The following ADHFE1 variants were observed in gnomAD, a reference collection of about 807,000 sequenced individuals.
ADHFE1 encodes the protein hydroxyacid-oxoacid transhydrogenase, mitochondrial.
ADHFE1 carries 37 observed loss-of-function variants against 54.8 expected under a neutral mutation model. The observed-to-expected ratio is 0.68, with a 90% CI of 0.52 to 0.89. The LOEUF (loss-of-function observed/expected upper bound fraction) is 0.89, where lower values mean the gene tolerates loss of function less well. Ranked by LOEUF, ADHFE1 falls within the 40% of genes least tolerant of loss-of-function variation. The pLI is 0.00. For synonymous variants in ADHFE1, 203 were observed against 229.3 expected, an observed-to-expected ratio of 0.89 and a Z score of 1.04; for missense variants, 601 against 591.2, an observed-to-expected ratio of 1.02 and a Z score of -0.17.
At position 66,449,598 on chromosome 8, in the gene ADHFE1, T is replaced by C. The variant is rs895201999; in HGVS notation, c.734+628T>C. 1.3e-4 allele frequency among the ~76,000 whole-genome samples: 20 copies of C among 152,240 alleles called. 2 individuals carry two copies. Among genetic ancestry groups the C allele is most frequent in the Admixed American group, 1.2e-3 (19 of 15,292 alleles). On this transcript the variant is annotated intron_variant, in intron 8 of 13. Transcript: ENST00000396623. ...TGTATGTTCCCTCGGCTTCAGCTGC[T>C]TTGTGCCGATGGCCCCCTAATCAGT...
Position 66,468,305 on chromosome 8 carries a change from G to A in ADHFE1, c.1357G>A (p.Glu453Lys), listed in dbSNP as rs750248947. The change falls in exon 14 of 14, where the codon GAA becomes AAA. Residue 453 changes from glutamate to lysine, a missense_variant. Transcript: ENST00000396623. ...VTKLAPCPQS[E>K]EDLAALFEAS... The stretch of plus-strand genomic sequence containing the variant: ...CAAGCTTGCACCCTGTCCCCAGTCA[G>A]AAGAGGATCTGGCTGCTCTGTTTGA... 2 of 1,613,426 alleles carry A rather than the reference G, an allele frequency of 1.2e-6. No individual in the cohort carries two copies. Among genetic ancestry groups the A allele is most frequent in the Non-Finnish European group, 1.7e-6 (2 of 1,179,632 alleles).
chr8:66,437,255 G>A (rs1805511782), intron 1 of ADHFE1, among the ~76,000 whole-genome samples: 1 of 152,032 alleles, frequency 6.6e-6, no homozygotes, highest in African/African-American at 2.4e-5. Flanking sequence ...ATAGGGAGGG[G>A]GATTTTGATG....
intron 13 of ADHFE1, among the ~76,000 whole-genome samples, chr8:66,466,101 C>T (rs1432747152): frequency 6.8e-6 from 1 of 147,376 alleles, no homozygotes; most frequent in Admixed American, 6.8e-5. Flanking sequence ...CAGAGTCTTG[C>T]TCTGTTGGCC....
chr8:66,444,027 A>G lies in ADHFE1; in HGVS notation c.145-340A>G, dbSNP rs1282618416. Among the ~76,000 whole-genome samples the G allele has an allele frequency of 2.0e-5, 3 of 152,198 alleles. No individual in the cohort carries two copies. In the East Asian group the frequency reaches 5.8e-4, roughly 29 times the overall value. On this transcript the variant is annotated intron_variant, in intron 3 of 13. Coordinates refer to ENST00000396623, the MANE Select transcript of ADHFE1 (RefSeq NM_144650.3). ...CAGTAGCATTGACTGGGTGGCAGGT[A>G]TGCAAGGGTGGGTGGATGAATGGAA...
chr8:66,442,600 T>C lies in ADHFE1; in HGVS notation c.98-198T>C, dbSNP rs564799925. 4.6e-5 allele frequency among the ~76,000 whole-genome samples: 7 copies of C among 152,256 alleles called. No homozygotes were observed. In the East Asian group the frequency reaches 9.6e-4, roughly 21 times the overall value. On this transcript the variant is annotated intron_variant, in intron 2 of 13. Coordinates refer to ENST00000396623, the MANE Select transcript of ADHFE1 (RefSeq NM_144650.3). ...TGCTGGGATTACAGGTGTGAGCCAC[T>C]GTGCTTGGCCGCATTACATTCTATC... is the stretch of plus-strand genomic sequence containing the variant.
In ADHFE1 at chr8:66,468,551, A is replaced by G. The variant is rs1331033162; in HGVS notation, c.*199A>G. 1.9e-5 allele frequency: 7 copies of G among 362,128 alleles called. No individual in the cohort carries two copies. Among genetic ancestry groups the G allele is most frequent in the Non-Finnish European group, 3.5e-5 (7 of 200,962 alleles). 22.4% of individuals were successfully genotyped at this position (362,128 alleles called of 1,614,324 possible). A position where few individuals can be genotyped will look rare whatever the true frequency, so the allele number is the denominator to read the frequency against. On this transcript the variant is annotated 3_prime_UTR_variant, in exon 14 of 14. Transcript: ENST00000396623. ...CATAAAACAGGCTGGACAAATGACC[A>G]CTATGTTAGACCCCCAGGCTCGACT...
rs780048874 is a variant in ADHFE1 at position 66,456,880 on chromosome 8, G to A, written c.1050G>A (p.Val350=). ...VKMYKAKDYN[V]DHPLVPHGLS... ...TGTATAAAGCAAAGGATTACAATGT[G>A]GATCACCCACTGGTGGTAAAATCAT... Residue 350 remains valine (V), a synonymous_variant, in exon 11 of 14, where the codon GTG becomes GTA. Coordinates refer to ENST00000396623, the MANE Select transcript of ADHFE1 (RefSeq NM_144650.3). The A allele has an allele frequency of 8.3e-6, 13 of 1,564,042 alleles. No individual in the cohort carries two copies. The highest frequency in any genetic ancestry group is 1.4e-5 in the African/African-American group (1 of 72,298).
In ADHFE1 at chr8:66,442,851, T is replaced by C; in HGVS notation, c.144+7T>C. 2 of 1,578,524 alleles carry C rather than the reference T, an allele frequency of 1.3e-6. No homozygotes were observed. The highest frequency in any genetic ancestry group is 1.7e-6 in the Non-Finnish European group (2 of 1,167,702). ...AACAGATTATGCCTTTGAGGTATAT[T>C]CACTCAATCCATTATTTCTTTTATG... On this transcript the variant is annotated splice_region_variant and intron_variant, in intron 3 of 13. Transcript: ENST00000396623.
chr8:66,444,328 C>G (rs1482442739), intron 3 of ADHFE1, 39 bp from the exon 4 acceptor site: 1 of 1,603,416 alleles, frequency 6.2e-7, no homozygotes, highest in Non-Finnish European at 8.5e-7. Context: ...GGCCAACTCT[C>G]AAATACTCCC....
intron 13 of ADHFE1, among the ~76,000 whole-genome samples, chr8:66,461,411 G>C (rs550791560): frequency 6.6e-6 from 1 of 152,194 alleles, no homozygotes; most frequent in South Asian, 2.1e-4. Context: ...ACAAGTGCTG[G>C]TGCTTTTCCC....
intron 12 of ADHFE1, among the ~76,000 whole-genome samples, chr8:66,457,907 A>G (rs1806678885): frequency 1.3e-5 from 2 of 152,196 alleles, no homozygotes; most frequent in African/African-American, 4.8e-5. Flanking sequence ...TAAATTCCTA[A>G]TTATAGAGAA....
chr8:66,464,106 A>T (rs1373385527), intron 13 of ADHFE1, among the ~76,000 whole-genome samples: 2 of 152,238 alleles, frequency 1.3e-5, no homozygotes, highest in African/African-American at 4.8e-5. Context: ...TTGTTATTTC[A>T]TGAACGTGCT....
At chr8:66,445,508 G>A (rs1014364847) in intron 6 of ADHFE1, 94 bp downstream of exon 6, 33 of 1,246,046 alleles carry the variant, frequency 2.6e-5, no homozygotes, top group Non-Finnish European at 3.4e-5. Flanking sequence ...TACACATTTC[G>A]AAAGCTTTCT....
rs1168202454 is a variant in ADHFE1, at chr8:66,439,050, G to GCCCGC, written c.60-1111_60-1107dup. 2.4e-4 allele frequency among the ~76,000 whole-genome samples: 37 copies of GCCCGC among 151,982 alleles called. No individual in the cohort carries two copies. Among genetic ancestry groups the GCCCGC allele is most frequent in the Middle Eastern group, 3.4e-3 (1 of 294 alleles). ...ACCGTGAAGGGACAAGCCTGGCCTG[G>GCCCGC]CCCGCGTCCTCTCCCCCGGCGCGCG... On this transcript the variant is annotated intron_variant, in intron 1 of 13. Transcript: ENST00000396623. This position sits in a 1 kb window ranked among gnomAD's most constrained non-coding sequence, Gnocchi z 4.4.
Position 66,439,263 on chromosome 8 carries a change from G to A in ADHFE1, c.60-899G>A. ...TTGAATTTTTGGCGGGGAGAAGGAA[G>A]TGATGCACTCAAGTATCTACCGAGA... On this transcript the variant is annotated intron_variant, in intron 1 of 13. Transcript: ENST00000396623. This position sits in a 1 kb window ranked among gnomAD's most constrained non-coding sequence, Gnocchi z 4.4. 1.0e-6 allele frequency: 1 copy of A among 985,516 alleles called. No homozygotes were observed. Among genetic ancestry groups the A allele is most frequent in the Non-Finnish European group, 1.2e-6 (1 of 830,022 alleles). 61.0% of individuals were successfully genotyped at this position (985,516 alleles called of 1,614,324 possible).
chr8:66,460,455 C>T lies in ADHFE1; in HGVS notation c.1310C>T (p.Thr437Met), dbSNP rs145880607. ...KADIPALVKG[T>M]LPQERVTKLA... Reference sequence around the variant, plus strand: ...GATATCCCCGCACTAGTGAAAGGAACGCTGCCCCAGGTAAGAGACCGGCAG... The same window carrying T: ...GATATCCCCGCACTAGTGAAAGGAATGCTGCCCCAGGTAAGAGACCGGCAG... The change falls in exon 13 of 14, where the codon ACG becomes ATG. Residue 437 changes from threonine to methionine, a missense_variant. Physicochemically the swap from Thr to Met is moderately conservative, Grantham distance 81. Coordinates refer to ENST00000396623, the MANE Select transcript of ADHFE1 (RefSeq NM_144650.3). The T allele has an allele frequency of 1.6e-5, 26 of 1,582,360 alleles. No individual in the cohort carries two copies. Among genetic ancestry groups the T allele is most frequent in the Admixed American group, 1.4e-4 (8 of 58,188 alleles).
At chr8:66,458,129 C>G (rs867820577) in intron 12 of ADHFE1, among the ~76,000 whole-genome samples, 5 of 152,156 alleles carry the variant, frequency 3.3e-5, no homozygotes, top group African/African-American at 1.2e-4. Flanking sequence ...TGGTGTTTTG[C>G]TAATACAAGA....
At chr8:66,446,009 T>A (rs1209035748) in intron 6 of ADHFE1, among the ~76,000 whole-genome samples, 1 of 152,250 alleles carries the variant, frequency 6.6e-6, no homozygotes, top group South Asian at 2.1e-4. Flanking sequence ...CTGCCATTTT[T>A]ATGGATGCTA....
intron 6 of ADHFE1, among the ~76,000 whole-genome samples, 170 bp from the exon 7 acceptor site, chr8:66,447,094 A>G (rs967336261): frequency 2.0e-5 from 3 of 152,232 alleles, no homozygotes; most frequent in Admixed American, 6.5e-5. Flanking sequence ...GCAGACACGG[A>G]CATCATACAT....
Sources: allele counts gnomAD v4.1 joint callset (sites outside exome capture counted in the v4.1 genomes callset), GRCh38; gene constraint gnomAD v4.1.1; non-coding constraint Gnocchi (gnomAD v3.1); transcripts MANE v1.5; gene names NCBI Gene and HGNC (gene_info 2026-07-23, HGNC 2026-07-21).